Variants in LRP1B observed in about 807,000 individuals in gnomAD.
The protein encoded by LRP1B is low-density lipoprotein receptor-related protein 1B.
LRP1B carries 217 observed loss-of-function variants against 556.6 expected under a neutral mutation model. That is an observed-to-expected ratio of 0.39 (90% CI 0.35 to 0.44). LRP1B has a LOEUF of 0.44. Among genes scored for constraint, LRP1B ranks in the 20% least tolerant of loss-of-function variants. The pLI is 1.00. For missense variants in LRP1B, 5,053 were observed against 5,620.8 expected (o/e 0.90, Z 3.23); for synonymous variants, 2,047 against 1,865.8 (o/e 1.10, Z -2.50).
chr2:140,487,704 G>T lies in LRP1B; in HGVS notation c.9156C>A (p.Tyr3052Ter). 1 of 1,578,324 alleles carries T rather than the reference G, an allele frequency of 6.3e-7. No individual in the cohort carries two copies. Among genetic ancestry groups the T allele is most frequent in the Non-Finnish European group, 8.7e-7 (1 of 1,150,706 alleles). ...CGATCCAATAGATGAATTCTTCTCT[G>T]TAATCAAAGTCTATAGCAATAACAT... Reference protein sequence around the residue: ...LNNVIAIDFDYREEFIYWIDS... With the variant: ...LNNVIAIDFD The change falls in exon 58 of 91, where the codon TAC (tyrosine) becomes TAA (stop). Residue 3052 changes from tyrosine (Y) to a stop codon, truncating the protein, a stop_gained. Transcript: ENST00000389484. LOFTEE classifies it high-confidence loss of function.
At chr2:141,839,424 C>T (rs1697393381) in intron 1 of LRP1B, among the ~76,000 whole-genome samples, 1 of 152,192 alleles carries the variant, frequency 6.6e-6, no homozygotes, top group South Asian at 2.1e-4. Flanking sequence ...TACCCAAACA[C>T]TGAGACAAGA....
chr2:140,808,591 C>T (rs1349759346), intron 32 of LRP1B, among the ~76,000 whole-genome samples: 1 of 152,064 alleles, frequency 6.6e-6, no homozygotes, highest in African/African-American at 2.4e-5. Flanking sequence ...TCATACTATA[C>T]GTTTTACTCA....
intron 20 of LRP1B, among the ~76,000 whole-genome samples, chr2:140,932,589 C>T (rs1429594110): frequency 6.6e-6 from 1 of 151,986 alleles, no homozygotes; most frequent in African/African-American, 2.4e-5. Flanking sequence ...TCAACAATAA[C>T]AACCCAGGCA....
intron 3 of LRP1B, among the ~76,000 whole-genome samples, chr2:141,414,643 T>G (rs1054268614): frequency 1.3e-5 from 2 of 152,208 alleles, no homozygotes; most frequent in South Asian, 4.1e-4. Context: ...TCTTGATCAG[T>G]GAAAAGAAGG....
At chr2:140,963,816 G>C (rs887264553) in intron 18 of LRP1B, among the ~76,000 whole-genome samples, 3 of 152,188 alleles carry the variant, frequency 2.0e-5, no homozygotes, top group African/African-American at 7.2e-5. Flanking sequence ...AATTAGCTGG[G>C]CGTGGTGGCA....
intron 49 of LRP1B, among the ~76,000 whole-genome samples, chr2:140,521,815 G>C (rs767157870): frequency 3.3e-5 from 5 of 151,978 alleles, no homozygotes; most frequent in Admixed American, 6.6e-5. Context: ...TCAAAGAAAA[G>C]GATGGAGAAA....
intron 3 of LRP1B, among the ~76,000 whole-genome samples, chr2:141,339,420 T>A (rs916491425): frequency 6.6e-6 from 1 of 152,194 alleles, no homozygotes; most frequent in East Asian, 1.9e-4. Context: ...ATTTTAGGCT[T>A]TTCTTTTACT....
At chr2:140,528,875 C>T (rs1558945887) in intron 47 of LRP1B, among the ~76,000 whole-genome samples, 1 of 152,002 alleles carries the variant, frequency 6.6e-6, no homozygotes. Context: ...TATATTTCAT[C>T]TTCACTTCGT....
At chr2:140,334,422 T>C in intron 79 of LRP1B, 31 bp downstream of exon 79, 1 of 1,326,338 alleles carries the variant, frequency 7.5e-7, no homozygotes. Flanking sequence ...GTCATTCTGC[T>C]TCATATTTTA....
chr2:141,466,363 G>A lies in LRP1B; in HGVS notation c.343+14033C>T, dbSNP rs78586177. On this transcript the variant is annotated intron_variant, in intron 3 of 90. Transcript: ENST00000389484. The stretch of plus-strand genomic sequence containing the variant: ...AGTAGGACTACAGCAGCTACCTAGT[G>A]AGTAACTAACTGCTCTATTAAAACA... Among the ~76,000 whole-genome samples the A allele has an allele frequency of 9.6e-3, 1,462 of 152,238 alleles. 12 individuals carry two copies. The highest frequency in any genetic ancestry group is 0.015 in the Non-Finnish European group (990 of 68,026).
intron 6 of LRP1B, among the ~76,000 whole-genome samples, chr2:141,192,572 C>T (rs1249440): frequency 1 from 151,458 of 152,044 alleles, 75,441 homozygotes; most frequent in Middle Eastern, 1. Flanking sequence ...TTCTTCTTAC[C>T]ATATTTTTTT....
intron 43 of LRP1B, among the ~76,000 whole-genome samples, chr2:140,553,619 T>C (rs1462381926): frequency 1.3e-5 from 2 of 152,206 alleles, no homozygotes; most frequent in East Asian, 1.9e-4. Flanking sequence ...TTTAGGAAGA[T>C]TGTATCAGTT....
chr2:141,042,031 C>G (rs775751406), intron 11 of LRP1B, among the ~76,000 whole-genome samples: 5 of 152,102 alleles, frequency 3.3e-5, no homozygotes, highest in Non-Finnish European at 5.9e-5. Flanking sequence ...CAGCATACCA[C>G]AGACTCCAAA....
At chr2:141,070,223 T>C (rs1435128493) in intron 7 of LRP1B, among the ~76,000 whole-genome samples, 2 of 151,576 alleles carry the variant, frequency 1.3e-5, no homozygotes. Flanking sequence ...CTCAACTACA[T>C]GGAAACTGAA....
At chr2:141,873,337 G>A (rs1698650155) in intron 1 of LRP1B, among the ~76,000 whole-genome samples, 1 of 151,902 alleles carries the variant, frequency 6.6e-6, no homozygotes, top group Non-Finnish European at 1.5e-5. Flanking sequence ...GCATGTGCCT[G>A]TAGTCCCAGA....
chr2:140,843,446 A>G (rs569475717), intron 29 of LRP1B, among the ~76,000 whole-genome samples: 2 of 152,230 alleles, frequency 1.3e-5, no homozygotes, highest in South Asian at 2.1e-4. Flanking sequence ...GCCACCCAGA[A>G]TGTGATGTCT....
chr2:140,550,975 G>T (rs1001837756), intron 43 of LRP1B, among the ~76,000 whole-genome samples: 3 of 152,074 alleles, frequency 2.0e-5, no homozygotes, highest in Non-Finnish European at 4.4e-5. Flanking sequence ...TAGAGGAAGA[G>T]AAATGAGAGC....
At chr2:140,393,178 C>G (rs775321850) in intron 66 of LRP1B, among the ~76,000 whole-genome samples, 14 of 150,754 alleles carry the variant, frequency 9.3e-5, no homozygotes, top group Admixed American at 3.3e-4. Context: ...TGGCAGAGGT[C>G]AAGATAAATA....
At chr2:140,492,940 C>G (rs973567317) in intron 56 of LRP1B, among the ~76,000 whole-genome samples, 1 of 152,128 alleles carries the variant, frequency 6.6e-6, no homozygotes, top group African/African-American at 2.4e-5. Context: ...ATATTCTTGA[C>G]ATTCAGATAA....
Sources: gnomAD v4.1 joint callset for allele counts (sites outside exome capture counted in the v4.1 genomes callset) on GRCh38, gnomAD v4.1.1 for gene constraint, MANE v1.5 for transcripts, NCBI Gene and HGNC (gene_info 2026-07-23, HGNC 2026-07-21) for gene names.